Variants in NOS2 observed in about 807,000 individuals in gnomAD.
The protein encoded by NOS2 is nitric oxide synthase 2.
Under a neutral mutation model 136.0 loss-of-function variants are expected in NOS2, and 96 were observed. The ratio of observed to expected loss-of-function variants is 0.71; its 90% CI spans 0.60 to 0.84. NOS2 has a LOEUF of 0.84. Ranked by LOEUF, NOS2 falls within the 40% of genes least tolerant of loss-of-function variation. The probability of loss-of-function intolerance (pLI) is 0.00; values close to 1 mark genes in which losing one functional copy is unlikely to be tolerated. For missense variants in NOS2, 1,237 were observed against 1,496.9 expected, an observed-to-expected ratio of 0.83 and a Z score of 2.87; for synonymous variants, 539 against 587.5, an observed-to-expected ratio of 0.92 and a Z score of 1.20.
Position 27,765,569 on chromosome 17 carries a change from G to T in NOS2, c.2394C>A (p.His798Gln), listed in dbSNP as rs754536464. The change falls in exon 20 of 27, where the codon CAC (histidine) becomes CAA (glutamine). Residue 798 changes from histidine (H) to glutamine (Q), a missense_variant. Transcript: ENST00000313735. ...CCAGGGCCTCCAGGCGCACTGTCTG[G>T]TGGGGTGTGGGGCCATCCACCACTC... ...LERVVDGPTP[H>Q]QTVRLEALDE... is the part of the protein sequence containing the mutation. 2 of 1,611,000 alleles carry T rather than the reference G, an allele frequency of 1.2e-6. No individual in the cohort carries two copies. The highest frequency in any genetic ancestry group is 1.3e-5 in the African/African-American group (1 of 74,892).
At position 27,767,703 on chromosome 17, in the gene NOS2, A is replaced by C; in HGVS notation, c.2167+2T>G. 1 of 1,613,408 alleles carries C rather than the reference A, an allele frequency of 6.2e-7. No homozygotes were observed. Among genetic ancestry groups the C allele is most frequent in the South Asian group, 1.1e-5 (1 of 91,018 alleles). On this transcript the variant is annotated splice_donor_variant, in intron 18 of 26. Coordinates refer to ENST00000313735, the MANE Select transcript of NOS2 (RefSeq NM_000625.4). LOFTEE classifies it high-confidence loss of function. Reference sequence around the variant, plus strand: ...CCCCATGTGCTGCAGAGAAGCAGGTACCTTTGCTGAGGTCCAAAGGCTGTG... The same window carrying C: ...CCCCATGTGCTGCAGAGAAGCAGGTCCCTTTGCTGAGGTCCAAAGGCTGTG...
chr17:27,771,512 G>T (rs1259068373), intron 14 of NOS2, among the ~76,000 whole-genome samples: 2 of 152,228 alleles, frequency 1.3e-5, no homozygotes, highest in Non-Finnish European at 2.9e-5. Context: ...GGTGAGGCTT[G>T]GACCCAAGAG....
At chr17:27,774,711 A>G (rs1740914955) in intron 11 of NOS2, among the ~76,000 whole-genome samples, 1 of 152,202 alleles carries the variant, frequency 6.6e-6, no homozygotes, top group Non-Finnish European at 1.5e-5. Context: ...TAAGTCTTTG[A>G]GGGCAATATC....
intron 9 of NOS2, among the ~76,000 whole-genome samples, 190 bp downstream of exon 9, chr17:27,780,577 C>T (rs28999373): frequency 9.2e-5 from 14 of 152,324 alleles, no homozygotes; most frequent in Admixed American, 3.9e-4. Context: ...GTCTGAGGCC[C>T]GAGGTGCCAG....
chr17:27,784,121 G>C lies in NOS2; in HGVS notation c.468-1015C>G, dbSNP rs554017294. On this transcript the variant is annotated intron_variant, in intron 5 of 26. Coordinates refer to ENST00000313735, the MANE Select transcript of NOS2 (RefSeq NM_000625.4). The stretch of plus-strand genomic sequence containing the variant: ...CCAAAGGGAGGGAGGGACTCAGTCA[G>C]AAAGGCTTTGAAACACACACACACA... Among the ~76,000 whole-genome samples the C allele has an allele frequency of 3.5e-5, 4 of 115,240 alleles. No homozygotes were observed. The East Asian group carries it at 1.0e-3, about 30-fold the overall frequency. 75.6% of individuals were successfully genotyped at this position (115,240 alleles called of 152,430 possible). A position where few individuals can be genotyped will look rare whatever the true frequency, so the allele number is the denominator to read the frequency against.
At chr17:27,768,233 G>A (rs1908374387) in intron 17 of NOS2, among the ~76,000 whole-genome samples, 1 of 151,902 alleles carries the variant, frequency 6.6e-6, no homozygotes, top group Non-Finnish European at 1.5e-5. Flanking sequence ...CTGTATTTTC[G>A]GTAGAGGCAG....
chr17:27,772,580 T>C (rs1369594320), intron 13 of NOS2, 128 bp from the exon 14 acceptor site: 5 of 1,038,592 alleles, frequency 4.8e-6, no homozygotes, highest in Non-Finnish European at 7.0e-6. Context: ...CAAGCTACGT[T>C]TCTCACCAGC....
At chr17:27,797,544 C>T (rs1028716125) in intron 2 of NOS2, among the ~76,000 whole-genome samples, 4 of 152,194 alleles carry the variant, frequency 2.6e-5, no homozygotes, top group Non-Finnish European at 5.9e-5. Flanking sequence ...CATTTTTTGC[C>T]GCCTCTGACA....
At chr17:27,782,890 G>A in intron 6 of NOS2, 54 bp downstream of exon 6, 1 of 1,580,134 alleles carries the variant, frequency 6.3e-7, no homozygotes, top group South Asian at 1.1e-5. Flanking sequence ...CAAGCCATCT[G>A]CTCAGGGCCT....
At chr17:27,779,563 A>C (rs1908777354) in intron 9 of NOS2, among the ~76,000 whole-genome samples, 1 of 152,144 alleles carries the variant, frequency 6.6e-6, no homozygotes, top group Non-Finnish European at 1.5e-5. Flanking sequence ...TTCTGAGTTA[A>C]TCCCAGCCAG....
At chr17:27,776,046 C>T (rs898102887) in intron 11 of NOS2, among the ~76,000 whole-genome samples, 30 of 152,234 alleles carry the variant, frequency 2.0e-4, no homozygotes, top group African/African-American at 6.5e-4. Flanking sequence ...GGCAAAGGTG[C>T]TGGGGAAGGG....
At chr17:27,757,778 C>A (rs1485235940) in intron 26 of NOS2, among the ~76,000 whole-genome samples, 1 of 152,202 alleles carries the variant, frequency 6.6e-6, no homozygotes, top group Non-Finnish European at 1.5e-5. Flanking sequence ...GCTATTCGAC[C>A]TTGGAATCTT....
intron 3 of NOS2, among the ~76,000 whole-genome samples, chr17:27,789,179 T>C (rs943272258): frequency 6.6e-6 from 1 of 152,140 alleles, no homozygotes; most frequent in Non-Finnish European, 1.5e-5. Context: ...GGAACTGCTG[T>C]AGGAGGGACT....
At chr17:27,783,505 C>T (rs544447106) in intron 5 of NOS2, among the ~76,000 whole-genome samples, 45 of 152,176 alleles carry the variant, frequency 3.0e-4, no homozygotes. Flanking sequence ...GTGTCCCATC[C>T]AGCCATAGCA....
At chr17:27,760,562 T>G in intron 24 of NOS2, 61 bp downstream of exon 24, 1 of 1,549,538 alleles carries the variant, frequency 6.5e-7, no homozygotes, top group Non-Finnish European at 8.7e-7. Flanking sequence ...GCTGCAGTTC[T>G]GCTCCTAGGC....
At chr17:27,766,435 G>T in intron 19 of NOS2, 75 bp downstream of exon 19, 3 of 1,311,714 alleles carry the variant, frequency 2.3e-6, no homozygotes, top group South Asian at 2.4e-5. Flanking sequence ...TTCAAAGACT[G>T]ACTTCTTCTG....
At chr17:27,779,294 ATTATTAT>A (rs951709394) in intron 9 of NOS2, among the ~76,000 whole-genome samples, 2 of 6,822 alleles carry the variant, frequency 2.9e-4, no homozygotes, top group African/African-American at 3.6e-4. Context: ...TTTCCTTATT[ATTATTAT>A]TATTATTATT....
rs762541871 is a variant in NOS2 at position 27,781,189 on chromosome 17, A to G, written c.723-12T>C. 13 of 1,601,876 alleles carry G rather than the reference A, an allele frequency of 8.1e-6. No homozygotes were observed. The Admixed American group carries it at 1.3e-4, about 16-fold the overall frequency. ...CGGTGATGGCCGACCTTCCCAGGAC[A>G]GGAACAGTACTGTTTACCACCTAGC... On this transcript the variant is annotated splice_polypyrimidine_tract_variant and intron_variant, in intron 7 of 26. Coordinates refer to ENST00000313735, the MANE Select transcript of NOS2 (RefSeq NM_000625.4).
chr17:27,791,446 C>T (rs535925194), intron 2 of NOS2, among the ~76,000 whole-genome samples: 1 of 152,322 alleles, frequency 6.6e-6, no homozygotes, highest in South Asian at 2.1e-4. Context: ...CATCCTCCCC[C>T]AGGCGATGTC....
Sources: gnomAD v4.1 joint callset for allele counts (sites outside exome capture counted in the v4.1 genomes callset) on GRCh38, gnomAD v4.1.1 for gene constraint, MANE v1.5 for transcripts, NCBI Gene and HGNC (gene_info 2026-07-23, HGNC 2026-07-21) for gene names.